Variants in EPHA4 observed in about 807,000 individuals in gnomAD.
The protein encoded by EPHA4 is ephrin type-A receptor 4.
In EPHA4, 19 loss-of-function variants were observed where a neutral mutation model predicts 108.3. The ratio of observed to expected loss-of-function variants is 0.18; its 90% CI spans 0.12 to 0.26. The LOEUF is 0.26. EPHA4 is among the 10% of genes least tolerant of loss of function. The pLI is 1.00. For synonymous variants in EPHA4, 449 were observed against 455.5 expected, an observed-to-expected ratio of 0.99 and a Z score of 0.18; for missense variants, 917 against 1,254.0, an observed-to-expected ratio of 0.73 and a Z score of 4.06.
At chr2:221,467,115 A>G (rs1267834518) in intron 5 of EPHA4, among the ~76,000 whole-genome samples, 1 of 152,204 alleles carries the variant, frequency 6.6e-6, no homozygotes, top group Non-Finnish European at 1.5e-5. Context: ...GAACTAATCT[A>G]AAGAGCTAAG....
chr2:221,435,872 T>A (rs1308235085), intron 13 of EPHA4, among the ~76,000 whole-genome samples: 1 of 151,156 alleles, frequency 6.6e-6, no homozygotes, highest in African/African-American at 2.4e-5. Flanking sequence ...TTGCTTTGTC[T>A]CATTTAGAAT....
At chr2:221,431,930 T>C (rs1289125051) in intron 14 of EPHA4, among the ~76,000 whole-genome samples, 7 of 152,190 alleles carry the variant, frequency 4.6e-5, no homozygotes, top group East Asian at 1.9e-4. Flanking sequence ...ATTTACCATA[T>C]GCCAAATTAA....
At chr2:221,450,435 C>T (rs188904238) in intron 8 of EPHA4, among the ~76,000 whole-genome samples, 16 of 152,332 alleles carry the variant, frequency 1.1e-4, no homozygotes, top group Admixed American at 1.0e-3. Flanking sequence ...ATCTTACCAA[C>T]ATCACTAGCA....
At chr2:221,438,961 C>T (rs55862744) in intron 11 of EPHA4, among the ~76,000 whole-genome samples, 1 of 151,884 alleles carries the variant, frequency 6.6e-6, no homozygotes, top group African/African-American at 2.4e-5. Flanking sequence ...GCATATAGGG[C>T]ATGGGGAAAT....
At position 221,564,023 on chromosome 2, in the gene EPHA4, G is replaced by C; in HGVS notation, c.531C>G (p.Ser177Arg). 1 of 1,613,728 alleles carries C rather than the reference G, an allele frequency of 6.2e-7. No homozygotes were observed. Among genetic ancestry groups the C allele is most frequent in the Non-Finnish European group, 8.5e-7 (1 of 1,179,930 alleles). The change falls in exon 3 of 18, where the codon AGC (serine) becomes AGG (arginine). Residue 177 changes from serine (S) to arginine (R), a missense_variant. Ser to Arg is a moderately radical substitution (Grantham distance 110). Around this residue, in one of 3 missense-constraint regions of EPHA4, gnomAD observed 758 missense variants for 1,076.7 expected, o/e 0.70. Coordinates refer to ENST00000281821, the MANE Select transcript of EPHA4 (RefSeq NM_004438.5). ...NTEIRDVGPLSKKGFYLAFQD... is the reference protein window; with the variant it reads ...NTEIRDVGPLRKKGFYLAFQD... ...GAAAAGCCAGGTAAAACCCCTTTTT[G>C]CTTAATGGCCCTACATCCCGGATCT...
At chr2:221,526,766 G>C (rs1235646976) in intron 3 of EPHA4, among the ~76,000 whole-genome samples, 1 of 147,054 alleles carries the variant, frequency 6.8e-6, no homozygotes, top group African/African-American at 2.5e-5. Flanking sequence ...AGAATTGCTC[G>C]AACCCGGGAG....
intron 11 of EPHA4, among the ~76,000 whole-genome samples, chr2:221,438,131 A>G (rs765889906): frequency 3.9e-5 from 6 of 152,172 alleles, no homozygotes; most frequent in Non-Finnish European, 8.8e-5. Flanking sequence ...CTGAGACAGG[A>G]ATTTAAATTC....
chr2:221,451,753 G>A (rs1690791853), intron 8 of EPHA4, among the ~76,000 whole-genome samples: 1 of 152,086 alleles, frequency 6.6e-6, no homozygotes, highest in Non-Finnish European at 1.5e-5. Flanking sequence ...CATAAATGTG[G>A]GTGGTAAAAA....
In EPHA4 at chr2:221,571,668, C is replaced by G. The variant is rs977729673; in HGVS notation, c.91+490G>C. Among the ~76,000 whole-genome samples the G allele has an allele frequency of 6.6e-6, 1 of 152,164 alleles. No homozygotes were observed. The highest frequency in any genetic ancestry group is 1.5e-5 in the Non-Finnish European group (1 of 68,028). On this transcript the variant is annotated intron_variant, in intron 1 of 17. Transcript: ENST00000281821. This position sits in a 1 kb window ranked among gnomAD's most constrained non-coding sequence, Gnocchi z 6.3. ...CGACCGCTGCGCTGCGGAGCAGGCC[C>G]CGCAGCCCGGTCCCGAGAAGCGCAG...
At chr2:221,441,478 C>G (rs1211636964) in intron 11 of EPHA4, among the ~76,000 whole-genome samples, 1 of 151,946 alleles carries the variant, frequency 6.6e-6, no homozygotes, top group Non-Finnish European at 1.5e-5. Context: ...TGAGAGCCAC[C>G]TCCATCACCC....
chr2:221,450,035 G>C (rs558069268), intron 8 of EPHA4, among the ~76,000 whole-genome samples: 1 of 152,186 alleles, frequency 6.6e-6, no homozygotes, highest in Non-Finnish European at 1.5e-5. Flanking sequence ...ATGGTTGCAC[G>C]CAAGTTGTTT....
At chr2:221,440,931 T>G (rs536569402) in intron 11 of EPHA4, among the ~76,000 whole-genome samples, 1 of 152,240 alleles carries the variant, frequency 6.6e-6, no homozygotes, top group South Asian at 2.1e-4. Context: ...CCAGCAGCAT[T>G]GGCTTCACCT....
chr2:221,441,487 C>T (rs771532925), intron 11 of EPHA4, among the ~76,000 whole-genome samples: 28 of 151,978 alleles, frequency 1.8e-4, no homozygotes, highest in Non-Finnish European at 4.0e-4. Context: ...CCTCCATCAC[C>T]CAATAAAACC....
chr2:221,544,644 A>G (rs112767528), intron 3 of EPHA4, among the ~76,000 whole-genome samples: 1 of 152,156 alleles, frequency 6.6e-6, no homozygotes, highest in Non-Finnish European at 1.5e-5. Context: ...ACAACCTTTT[A>G]TGAAAAAAGA....
At chr2:221,450,369 G>A (rs973108391) in intron 8 of EPHA4, among the ~76,000 whole-genome samples, 18 of 152,296 alleles carry the variant, frequency 1.2e-4, no homozygotes, top group African/African-American at 3.4e-4. Context: ...AAATTAACTT[G>A]CAAACTCTGA....
rs1691088772 is a variant in EPHA4 at position 221,459,938 on chromosome 2, T to C, written c.1319-1948A>G. On this transcript the variant is annotated intron_variant, in intron 5 of 17. Transcript: ENST00000281821. ...ACAGATTCCTTGAGAAAGAATTGCC[T>C]GCCTGCCCTTGGAGTGCACTGATGA... 2.0e-5 allele frequency among the ~76,000 whole-genome samples: 3 copies of C among 152,196 alleles called. No homozygotes were observed. The South Asian group carries it at 6.2e-4, about 31-fold the overall frequency.
intron 4 of EPHA4, among the ~76,000 whole-genome samples, chr2:221,497,073 A>C (rs1450955270): frequency 6.6e-6 from 1 of 152,178 alleles, no homozygotes; most frequent in Non-Finnish European, 1.5e-5. Flanking sequence ...GCAAGGGTAA[A>C]AAATCACTGA....
At chr2:221,536,480 A>G (rs1357154378) in intron 3 of EPHA4, among the ~76,000 whole-genome samples, 1 of 152,124 alleles carries the variant, frequency 6.6e-6, no homozygotes, top group Non-Finnish European at 1.5e-5. Flanking sequence ...TGTTTCCCCA[A>G]ATCCTCATTA....
intron 4 of EPHA4, among the ~76,000 whole-genome samples, chr2:221,489,098 T>C (rs1191432057): frequency 6.6e-6 from 1 of 152,194 alleles, no homozygotes; most frequent in Non-Finnish European, 1.5e-5. Flanking sequence ...CTCCAGTGTG[T>C]CTATAAGTTT....
Sources: gnomAD v4.1 joint callset for allele counts (sites outside exome capture counted in the v4.1 genomes callset) on GRCh38, gnomAD v4.1.1 for gene constraint, gnomAD v4.1.1 regional missense constraint, Gnocchi (gnomAD v3.1) non-coding constraint, MANE v1.5 for transcripts, NCBI Gene and HGNC (gene_info 2026-07-23, HGNC 2026-07-21) for gene names.